Variants in GNRHR observed in about 807,000 individuals in gnomAD.
GNRHR encodes the protein gonadotropin-releasing hormone receptor.
GNRHR carries 14 observed loss-of-function variants against 28.1 expected under a neutral mutation model. The ratio of observed to expected loss-of-function variants is 0.50; its 90% CI spans 0.33 to 0.78. The LOEUF is 0.78. Ranked by LOEUF, GNRHR falls within the 30% of genes least tolerant of loss-of-function variation. The probability of loss-of-function intolerance (pLI) is 0.02; values close to 1 mark genes in which losing one functional copy is unlikely to be tolerated. For missense variants in GNRHR, 366 were observed against 382.1 expected (o/e 0.96, Z 0.35); for synonymous variants, 141 against 140.5 (o/e 1.00, Z -0.02).
chr4:67,742,575 A>G (rs1484183), intron 2 of GNRHR, among the ~76,000 whole-genome samples: 1 of 152,076 alleles, frequency 6.6e-6, no homozygotes, highest in African/African-American at 2.4e-5. Flanking sequence ...GACTTTTTAC[A>G]GTCAGGCTGC....
intron 2 of GNRHR, 46 bp downstream of exon 2, chr4:67,744,522 A>G (rs1000728551): frequency 8.2e-6 from 9 of 1,102,450 alleles, no homozygotes; most frequent in Non-Finnish European, 1.3e-5. Flanking sequence ...GAGCATTGCT[A>G]TTTAAAAACT....
intron 1 of GNRHR, 114 bp downstream of exon 1, chr4:67,753,700 A>G: frequency 1.1e-6 from 1 of 928,908 alleles, no homozygotes; most frequent in Non-Finnish European, 1.7e-6. Flanking sequence ...TCTGACTTCC[A>G]GAACCCAAGC....
intron 1 of GNRHR, among the ~76,000 whole-genome samples, chr4:67,747,082 A>C (rs979074012): frequency 1.3e-5 from 2 of 151,924 alleles, no homozygotes; most frequent in Non-Finnish European, 2.9e-5. Context: ...CTGTGAGTTA[A>C]AGTCTTTGGA....
Position 67,740,410 on chromosome 4 carries a change from T to A in GNRHR, c.*70A>T, listed in dbSNP as rs770467557. On this transcript the variant is annotated 3_prime_UTR_variant, in exon 3 of 3. Coordinates refer to ENST00000226413, the MANE Select transcript of GNRHR (RefSeq NM_000406.3). ...ATGTAAACATGCTCCAACATTTGTG[T>A]TAATCATTCCCAGATGGAGAGATTC... 5.5e-5 allele frequency: 63 copies of A among 1,136,468 alleles called. No individual in the cohort carries two copies. The Middle Eastern group carries it at 8.4e-4, about 15-fold the overall frequency. The allele number at this position is 1,136,468 out of a possible 1,614,324, so 70.4% of individuals were successfully genotyped here.
At chr4:67,745,952 C>T (rs1404695726) in intron 1 of GNRHR, among the ~76,000 whole-genome samples, 1 of 152,012 alleles carries the variant, frequency 6.6e-6, no homozygotes, top group African/African-American at 2.4e-5. Context: ...GAAATGGTTC[C>T]AGCTAAAAGA....
intron 1 of GNRHR, among the ~76,000 whole-genome samples, chr4:67,748,318 A>T (rs750600266): frequency 1.3e-5 from 2 of 152,128 alleles, no homozygotes; most frequent in Non-Finnish European, 2.9e-5. Context: ...TCTAAGGCCT[A>T]TCATGACAAT....
At position 67,739,392 on chromosome 4, in the gene GNRHR, T is replaced by C. The variant is rs1008988199; in HGVS notation, c.*1088A>G. ...ATAGGGCTGAAATAAAAACATTACA[T>C]GGAAATATAGTGTTGTGCATAGACT... On this transcript the variant is annotated 3_prime_UTR_variant, in exon 3 of 3. Transcript: ENST00000226413. 7.9e-5 allele frequency: 12 copies of C among 152,034 alleles called. No homozygotes were observed. Among genetic ancestry groups the C allele is most frequent in the African/African-American group, 2.9e-4 (12 of 41,440 alleles). 9.4% of individuals were successfully genotyped at this position (152,034 alleles called of 1,614,324 possible). A position where few individuals can be genotyped will look rare whatever the true frequency, so the allele number is the denominator to read the frequency against.
intron 1 of GNRHR, among the ~76,000 whole-genome samples, chr4:67,751,379 T>C (rs1731862976): frequency 6.6e-6 from 1 of 152,200 alleles, no homozygotes; most frequent in African/African-American, 2.4e-5. Context: ...TCAGCATTAC[T>C]TATGTGAGGT....
rs954532686 is a variant in GNRHR, at chr4:67,737,262, TTATC to T, written c.*3214_*3217del. On this transcript the variant is annotated 3_prime_UTR_variant, in exon 3 of 3. Transcript: ENST00000226413. Reference sequence around the variant, plus strand: ...CTATATTAACAGTTTTCATATATGTTTATCTATTGCTGCTATGCATACATTTTAT... The same window carrying T: ...CTATATTAACAGTTTTCATATATGTTTATTGCTGCTATGCATACATTTTAT... Among the ~76,000 whole-genome samples, 9 of 152,114 alleles carry T rather than the reference TTATC, an allele frequency of 5.9e-5. No homozygotes were observed. Among genetic ancestry groups the T allele is most frequent in the African/African-American group, 2.2e-4 (9 of 41,450 alleles).
Position 67,740,316 on chromosome 4 carries a change from A to G in GNRHR, c.*164T>C. On this transcript the variant is annotated 3_prime_UTR_variant, in exon 3 of 3. Transcript: ENST00000226413. ...TATTTTTCCTGAAGACTTTTCCTTA[A>G]TAATTGAGGCTCTGAAGACTGAGTT... 1.6e-6 allele frequency: 1 copy of G among 619,432 alleles called. No homozygotes were observed. The highest frequency in any genetic ancestry group is 2.9e-6 in the Non-Finnish European group (1 of 348,484). 38.4% of individuals were successfully genotyped at this position (619,432 alleles called of 1,614,324 possible). A position where few individuals can be genotyped will look rare whatever the true frequency, so the allele number is the denominator to read the frequency against.
Position 67,738,717 on chromosome 4 carries a change from G to A in GNRHR, c.*1763C>T, listed in dbSNP as rs1211862633. Among the ~76,000 whole-genome samples, 1 of 151,982 alleles carries A rather than the reference G, an allele frequency of 6.6e-6. No individual in the cohort carries two copies. The highest frequency in any genetic ancestry group is 1.9e-4 in the East Asian group (1 of 5,202). On this transcript the variant is annotated 3_prime_UTR_variant, in exon 3 of 3. Coordinates refer to ENST00000226413, the MANE Select transcript of GNRHR (RefSeq NM_000406.3). ...TACAAGAACTATAAAATCTTGGAATGGGTTTATGTGCCAACTTGAGCATTT... is the reference window on the plus strand; with the variant it reads ...TACAAGAACTATAAAATCTTGGAATAGGTTTATGTGCCAACTTGAGCATTT...
Position 67,739,010 on chromosome 4 carries a change from C to T in GNRHR, c.*1470G>A, listed in dbSNP as rs990124825. ...GCAATTTGCTTTCCATAATACCACA[C>T]ACCTGGAGTATTTAGAAATTACATT... On this transcript the variant is annotated 3_prime_UTR_variant, in exon 3 of 3. Transcript: ENST00000226413. 3.3e-5 allele frequency among the ~76,000 whole-genome samples: 5 copies of T among 152,036 alleles called. No homozygotes were observed. The highest frequency in any genetic ancestry group is 3.3e-4 in the Admixed American group (5 of 15,254).
chr4:67,754,159 T>C lies in GNRHR; in HGVS notation c.177A>G (p.Lys59=). 2 of 1,613,952 alleles carry C rather than the reference T, an allele frequency of 1.2e-6. No homozygotes were observed. Among genetic ancestry groups the C allele is most frequent in the South Asian group, 2.2e-5 (2 of 91,082 alleles). The change falls in exon 1 of 3, where the codon AAA becomes AAG. Residue 59 remains lysine (K), a synonymous_variant. Coordinates refer to ENST00000226413, the MANE Select transcript of GNRHR (RefSeq NM_000406.3). The part of the protein sequence containing the change: ...SATFNASFLL[K]LQKWTQKKEK... ...CTTTCTTCTGTGTCCACTTCTGAAG[T>C]TTCAACAAGAAAGAAGCATTAAAGG...
At chr4:67,743,238 C>T (rs1213890515) in intron 2 of GNRHR, among the ~76,000 whole-genome samples, 1 of 152,136 alleles carries the variant, frequency 6.6e-6, no homozygotes, top group African/African-American at 2.4e-5. Context: ...AGGCATGAGC[C>T]ACCGCACCTG....
At chr4:67,742,412 T>C (rs1218281683) in intron 2 of GNRHR, among the ~76,000 whole-genome samples, 1 of 152,180 alleles carries the variant, frequency 6.6e-6, no homozygotes, top group Non-Finnish European at 1.5e-5. Context: ...AAGTATCATA[T>C]GTGGATGAAA....
chr4:67,753,679 A>T, intron 1 of GNRHR, 135 bp downstream of exon 1: 1 of 763,582 alleles, frequency 1.3e-6, no homozygotes. Context: ...AGCCAGAATT[A>T]AACTTCACTC....
In GNRHR at chr4:67,740,299, C is replaced by G; in HGVS notation, c.*181G>C. The stretch of plus-strand genomic sequence containing the variant: ...AAGAGAAAATATTTTAGTATTTTTC[C>G]TGAAGACTTTTCCTTAATAATTGAG... On this transcript the variant is annotated 3_prime_UTR_variant, in exon 3 of 3. Coordinates refer to ENST00000226413, the MANE Select transcript of GNRHR (RefSeq NM_000406.3). 1 of 580,886 alleles carries G rather than the reference C, an allele frequency of 1.7e-6. No individual in the cohort carries two copies. The highest frequency in any genetic ancestry group is 2.1e-5 in the South Asian group (1 of 47,310). 36.0% of individuals were successfully genotyped at this position (580,886 alleles called of 1,614,324 possible).
In GNRHR at chr4:67,740,694, A is replaced by G. The variant is rs886059566; in HGVS notation, c.773T>C (p.Ile258Thr). 1.9e-6 allele frequency: 3 copies of G among 1,606,098 alleles called. No individual in the cohort carries two copies. The highest frequency in any genetic ancestry group is 2.6e-6 in the Non-Finnish European group (3 of 1,172,672). ...ELQLNQSKNN[I>T]PRARLKTLKM... ...TAGAGTCTTCAGCCGTGCTCTTGGT[A>G]TATTGTTCTTGGACTGATTCAGTTG... is the stretch of plus-strand genomic sequence containing the variant. Residue 258 changes from isoleucine (I) to threonine (T), a missense_variant, in exon 3 of 3, where the codon ATA (isoleucine) becomes ACA (threonine). Transcript: ENST00000226413.
chr4:67,742,099 TG>T (rs199667164), intron 2 of GNRHR, among the ~76,000 whole-genome samples: 2,949 of 152,326 alleles, frequency 0.019, 73 homozygotes, highest in East Asian at 0.1. Context: ...CATTTGGTTT[TG>T]GGCTCTTGGT....
Sources: gnomAD v4.1 joint callset for allele counts (sites outside exome capture counted in the v4.1 genomes callset) on GRCh38, gnomAD v4.1.1 for gene constraint, MANE v1.5 for transcripts, NCBI Gene and HGNC (gene_info 2026-07-23, HGNC 2026-07-21) for gene names.